The following GPC5 variants were observed in gnomAD, a reference collection of about 807,000 sequenced individuals.
GPC5 encodes the protein glypican-5.
In GPC5, 47 loss-of-function variants were observed where a neutral mutation model predicts 53.9. The observed-to-expected ratio is 0.87, with a 90% CI of 0.69 to 1.11. The LOEUF (loss-of-function observed/expected upper bound fraction) is 1.11, where lower values mean the gene tolerates loss of function less well. Among genes scored for constraint, GPC5 ranks in the 50% most tolerant of loss-of-function variants. The pLI is 0.00. For missense variants in GPC5, 748 were observed against 713.1 expected (o/e 1.05, Z -0.56); for synonymous variants, 286 against 263.3 (o/e 1.09, Z -0.84).
chr13:91,885,008 T>A (rs571201474), intron 5 of GPC5, among the ~76,000 whole-genome samples: 1 of 152,310 alleles, frequency 6.6e-6, no homozygotes, highest in African/African-American at 2.4e-5. Context: ...TTTGTAATTA[T>A]ACTTTAACAA....
At chr13:92,706,949 G>A (rs190302613) in intron 7 of GPC5, among the ~76,000 whole-genome samples, 6 of 152,220 alleles carry the variant, frequency 3.9e-5, no homozygotes, top group Admixed American at 2.0e-4. Context: ...TTGGGATAAT[G>A]CCCTTATAAA....
intron 7 of GPC5, among the ~76,000 whole-genome samples, chr13:92,581,349 C>T (rs988494246): frequency 3.9e-5 from 6 of 152,074 alleles, no homozygotes; most frequent in African/African-American, 9.7e-5. Flanking sequence ...GTTTATTTTA[C>T]GTAATGCCAT....
At chr13:91,750,663 G>A (rs1332532425) in intron 4 of GPC5, among the ~76,000 whole-genome samples, 2 of 142,954 alleles carry the variant, frequency 1.4e-5, no homozygotes, top group Non-Finnish European at 3.0e-5. Context: ...CTCTGTGGTA[G>A]TAGGTAAGTC....
At chr13:91,790,230 T>C (rs1467274599) in intron 5 of GPC5, among the ~76,000 whole-genome samples, 1 of 152,218 alleles carries the variant, frequency 6.6e-6, no homozygotes, top group African/African-American at 2.4e-5. Context: ...CTCAGATTGT[T>C]AGTTATGTTG....
chr13:91,435,168 A>G (rs1879822534), intron 1 of GPC5, among the ~76,000 whole-genome samples: 1 of 152,176 alleles, frequency 6.6e-6, no homozygotes, highest in Admixed American at 6.5e-5. Flanking sequence ...TCCTAATTGA[A>G]TACCCTTTAT....
chr13:92,033,072 T>TGTGTGTGTGTGTGC (rs1470967154), intron 6 of GPC5, among the ~76,000 whole-genome samples: 6 of 151,564 alleles, frequency 4.0e-5, no homozygotes, highest in African/African-American at 1.5e-4. Flanking sequence ...TGTGTGTGTG[T>TGTGTGTGTGTGTGC]GTGCTTCTCA....
intron 7 of GPC5, among the ~76,000 whole-genome samples, chr13:92,818,864 A>T (rs1402368906): frequency 2.0e-5 from 3 of 151,968 alleles, no homozygotes; most frequent in Non-Finnish European, 4.4e-5. Flanking sequence ...GCTCTAACCC[A>T]CTGGCAAATA....
chr13:91,692,645 A>G (rs1044005748), intron 2 of GPC5, among the ~76,000 whole-genome samples: 3 of 152,038 alleles, frequency 2.0e-5, no homozygotes, highest in Non-Finnish European at 2.9e-5. Context: ...TTTTTATTTC[A>G]TTACTTTTTT....
At chr13:92,794,144 T>G (rs1876567956) in intron 7 of GPC5, among the ~76,000 whole-genome samples, 1 of 152,160 alleles carries the variant, frequency 6.6e-6, no homozygotes, top group Non-Finnish European at 1.5e-5. Context: ...AATAAAATAC[T>G]GACAAACTGT....
chr13:92,475,916 G>C (rs1188801814), intron 7 of GPC5, among the ~76,000 whole-genome samples: 2 of 151,872 alleles, frequency 1.3e-5, no homozygotes, highest in African/African-American at 4.8e-5. Flanking sequence ...AGACTTAAAC[G>C]TTAGACCTAA....
intron 6 of GPC5, among the ~76,000 whole-genome samples, chr13:92,031,835 A>AAC: frequency 1.2e-5 from 1 of 82,022 alleles, no homozygotes; most frequent in African/African-American, 5.3e-5. Context: ...TATAATATAT[A>AAC]ATATATTACA....
intron 7 of GPC5, among the ~76,000 whole-genome samples, chr13:92,421,251 C>G (rs1324729685): frequency 1.3e-5 from 2 of 152,150 alleles, no homozygotes; most frequent in Admixed American, 6.5e-5. Flanking sequence ...AAATGTACCT[C>G]TTGCTCCTCC....
intron 6 of GPC5, among the ~76,000 whole-genome samples, chr13:92,091,834 C>A (rs1200218404): frequency 6.6e-6 from 1 of 151,770 alleles, no homozygotes; most frequent in East Asian, 1.9e-4. Context: ...TCAATTCTAC[C>A]CTGTCCAGAG....
intron 7 of GPC5, among the ~76,000 whole-genome samples, chr13:92,727,294 T>C (rs1470701554): frequency 6.6e-6 from 1 of 151,564 alleles, no homozygotes; most frequent in Non-Finnish European, 1.5e-5. Context: ...TTTAGTCTAA[T>C]CTTTTTGGGT....
intron 5 of GPC5, among the ~76,000 whole-genome samples, chr13:91,808,568 G>A (rs908668947): frequency 2.6e-5 from 4 of 152,146 alleles, no homozygotes; most frequent in African/African-American, 9.7e-5. Flanking sequence ...AGAAAGCACA[G>A]TGAACATTTA....
intron 7 of GPC5, chr13:92,706,070 A>T (rs1887940187): frequency 6.6e-6 from 1 of 152,126 alleles, no homozygotes; most frequent in Non-Finnish European, 1.5e-5. Flanking sequence ...CTGTGTCACA[A>T]AAAGAAAGAC....
At chr13:91,440,772 G>A (rs550136999) in intron 1 of GPC5, among the ~76,000 whole-genome samples, 1 of 152,184 alleles carries the variant, frequency 6.6e-6, no homozygotes, top group Non-Finnish European at 1.5e-5. Flanking sequence ...GACTCAAACT[G>A]TCACTGCGTC....
chr13:92,670,446 T>G (rs146049786), intron 7 of GPC5, among the ~76,000 whole-genome samples: 1 of 152,312 alleles, frequency 6.6e-6, no homozygotes, highest in Non-Finnish European at 1.5e-5. Context: ...AAAAGTAGTT[T>G]CTCTAAATGT....
At chr13:92,106,932 T>C (rs1186944344) in intron 6 of GPC5, among the ~76,000 whole-genome samples, 2 of 152,136 alleles carry the variant, frequency 1.3e-5, no homozygotes, top group African/African-American at 4.8e-5. Context: ...TCTCCTTCCT[T>C]TGAGACTACA....
Sources: gnomAD v4.1 joint callset for allele counts (sites outside exome capture counted in the v4.1 genomes callset) on GRCh38, gnomAD v4.1.1 for gene constraint, MANE v1.5 for transcripts, NCBI Gene and HGNC (gene_info 2026-07-23, HGNC 2026-07-21) for gene names.